HSD17B4: variants seen among roughly 807,000 people sequenced by gnomAD.
HSD17B4 encodes the protein hydroxysteroid 17-beta dehydrogenase 4.
A neutral mutation model predicts 101.0 loss-of-function variants in HSD17B4; 70 were observed. The ratio of observed to expected loss-of-function variants is 0.69; its 90% CI spans 0.57 to 0.85. The LOEUF (loss-of-function observed/expected upper bound fraction) is 0.85, where lower values mean the gene tolerates loss of function less well. HSD17B4 is among the 40% of genes least tolerant of loss of function. HSD17B4 has a pLI of 0.00. For missense variants in HSD17B4, 984 were observed against 892.4 expected, an observed-to-expected ratio of 1.10 and a Z score of -1.31; for synonymous variants, 347 against 297.1, an observed-to-expected ratio of 1.17 and a Z score of -1.73.
chr5:119,531,579 GTGTGTGTGTGTGTGTGTT>G (rs1561490985), intron 22 of HSD17B4, among the ~76,000 whole-genome samples, 175 bp downstream of exon 22: 3 of 151,456 alleles, frequency 2.0e-5, no homozygotes, highest in Non-Finnish European at 4.4e-5. Context: ...GTGTGTGTGT[GTGTGTGTGTGTGTGTGTT>G]TGTGTGTGTG....
At chr5:119,453,170 C>T (rs781225130) in intron 1 of HSD17B4, among the ~76,000 whole-genome samples, 2 of 152,182 alleles carry the variant, frequency 1.3e-5, no homozygotes, top group Admixed American at 6.5e-5. Context: ...AGAGCCCTTC[C>T]CCGTTGGAGT....
chr5:119,533,083 G>A (rs1754252374), intron 22 of HSD17B4, among the ~76,000 whole-genome samples: 1 of 152,014 alleles, frequency 6.6e-6, no homozygotes, highest in South Asian at 2.1e-4. Flanking sequence ...AAACACATCA[G>A]CCTGAAGCAG....
At chr5:119,532,999 T>G (rs556679939) in intron 22 of HSD17B4, among the ~76,000 whole-genome samples, 1 of 152,244 alleles carries the variant, frequency 6.6e-6, no homozygotes, top group South Asian at 2.1e-4. Context: ...GTTGCACCAT[T>G]GGGGGCCTTT....
At chr5:119,458,526 T>TG (rs1194701057) in intron 2 of HSD17B4, among the ~76,000 whole-genome samples, 5 of 150,982 alleles carry the variant, frequency 3.3e-5, no homozygotes, top group African/African-American at 4.9e-5. Flanking sequence ...TTTTTTTTTT[T>TG]TAAGTAAAGA....
intron 15 of HSD17B4, among the ~76,000 whole-genome samples, chr5:119,508,199 T>G (rs1187640903): frequency 2.0e-5 from 3 of 151,576 alleles, no homozygotes. Flanking sequence ...TCTCTTTTAG[T>G]CTTCTCACCA....
In HSD17B4 at chr5:119,493,862, C is replaced by G; in HGVS notation, c.784C>G (p.His262Asp). ...TLGAIVRQKN[H>D]PMTPEAVKAN... ...TGGAGCTATTGTAAGACAAAAGAAT[C>G]ACCCAATGACTCCTGAGGCAGTCAA... The change falls in exon 11 of 24, where the codon CAC becomes GAC. Residue 262 changes from histidine (H) to aspartate (D), a missense_variant. By Grantham distance (81) the His-to-Asp change is moderately conservative. Coordinates refer to ENST00000510025, the MANE Select transcript of HSD17B4 (RefSeq NM_000414.4). 1 of 1,612,948 alleles carries G rather than the reference C, an allele frequency of 6.2e-7. No homozygotes were observed.
intron 16 of HSD17B4, among the ~76,000 whole-genome samples, chr5:119,511,976 A>G (rs557543047): frequency 6.6e-6 from 1 of 152,362 alleles, no homozygotes; most frequent in East Asian, 1.9e-4. Flanking sequence ...TCAAAGAACT[A>G]AAGGAAACCA....
chr5:119,521,088 C>T (rs956212339), intron 17 of HSD17B4, among the ~76,000 whole-genome samples: 1 of 152,190 alleles, frequency 6.6e-6, no homozygotes, highest in Non-Finnish European at 1.5e-5. Context: ...TGGAAGGTTT[C>T]CCAAGAACGG....
chr5:119,492,211 C>A, intron 10 of HSD17B4, 87 bp downstream of exon 10: 2 of 956,994 alleles, frequency 2.1e-6, no homozygotes, highest in South Asian at 2.6e-5. Flanking sequence ...AGATTTTTGT[C>A]AAATGCCTAA....
intron 22 of HSD17B4, among the ~76,000 whole-genome samples, chr5:119,534,741 T>C (rs1361044139): frequency 6.6e-6 from 1 of 152,104 alleles, no homozygotes; most frequent in Admixed American, 6.6e-5. Flanking sequence ...GAATATGCTC[T>C]CCAGTTAGGA....
At chr5:119,509,052 C>G in intron 15 of HSD17B4, 89 bp from the exon 16 acceptor site, 1 of 780,792 alleles carries the variant, frequency 1.3e-6, no homozygotes, top group Non-Finnish European at 2.2e-6. Flanking sequence ...TTTTTGAAAC[C>G]TTGACAGGAA....
Position 119,478,982 on chromosome 5 carries a change from A to T in HSD17B4, c.583A>T (p.Asn195Tyr). ...SNIHCNTIAP[N>Y]AGSRMTQTVM... is the part of the protein sequence containing the mutation. ...CATTCATTGTAACACCATTGCTCCT[A>T]ATGCGGGATCACGGATGACTCAGAC... The change falls in exon 8 of 24, where the codon AAT becomes TAT. Residue 195 changes from asparagine to tyrosine, a missense_variant. Coordinates refer to ENST00000510025, the MANE Select transcript of HSD17B4 (RefSeq NM_000414.4). 1 of 1,613,698 alleles carries T rather than the reference A, an allele frequency of 6.2e-7. No homozygotes were observed. The highest frequency in any genetic ancestry group is 8.5e-7 in the Non-Finnish European group (1 of 1,179,690).
chr5:119,466,840 T>A (rs1755864038), intron 2 of HSD17B4, among the ~76,000 whole-genome samples: 2 of 152,160 alleles, frequency 1.3e-5, no homozygotes, highest in Non-Finnish European at 2.9e-5. Flanking sequence ...TGGTTCTTGC[T>A]TTTCTAGTTC....
rs201280286 is a variant in HSD17B4 at position 119,479,036 on chromosome 5, T to A, written c.622+15T>A. 243 of 1,604,208 alleles carry A rather than the reference T, an allele frequency of 1.5e-4. 2 individuals are homozygous for A. The Middle Eastern group carries it at 2.0e-3, about 13-fold the overall frequency. On this transcript the variant is annotated intron_variant, in intron 8 of 23. Transcript: ENST00000510025. ...TATGCCTGAAGGTAAGTAAGCAAGC[T>A]TATATTTTTCAGTGCTGTTACTTAC...
intron 20 of HSD17B4, among the ~76,000 whole-genome samples, chr5:119,527,917 G>C (rs557261791): frequency 6.6e-6 from 1 of 152,156 alleles, no homozygotes; most frequent in African/African-American, 2.4e-5. Flanking sequence ...CAATGCTCCA[G>C]TAAAATACTA....
intron 20 of HSD17B4, among the ~76,000 whole-genome samples, chr5:119,529,199 C>T (rs3797369): frequency 0.065 from 9,874 of 152,118 alleles, 879 homozygotes; most frequent in East Asian, 0.42. Flanking sequence ...ACTTTAGAAA[C>T]TTATCCTATA....
At chr5:119,476,200 T>G (rs1243130849) in intron 6 of HSD17B4, among the ~76,000 whole-genome samples, 1 of 152,238 alleles carries the variant, frequency 6.6e-6, no homozygotes, top group South Asian at 2.1e-4. Flanking sequence ...TTTAACGTGC[T>G]TATCCAGCTG....
intron 17 of HSD17B4, among the ~76,000 whole-genome samples, chr5:119,518,915 C>T (rs962054832): frequency 6.6e-6 from 1 of 152,000 alleles, no homozygotes; most frequent in Non-Finnish European, 1.5e-5. Flanking sequence ...AGGAGAGTCA[C>T]TTGAGCTCAG....
Position 119,507,561 on chromosome 5 carries a change from A to T in HSD17B4, c.1333+672A>T, listed in dbSNP as rs112617141. 8.5e-5 allele frequency among the ~76,000 whole-genome samples: 13 copies of T among 152,184 alleles called. 1 individual carries two copies. The highest frequency in any genetic ancestry group is 3.1e-4 in the African/African-American group (13 of 41,536). On this transcript the variant is annotated intron_variant, in intron 15 of 23. Coordinates refer to ENST00000510025, the MANE Select transcript of HSD17B4 (RefSeq NM_000414.4). Reference sequence around the variant, plus strand: ...CACTTTGGGAGGCTGAGGCGGGCGGATCATGAGGTCAGGAGATCGAGATCA... The same window carrying T: ...CACTTTGGGAGGCTGAGGCGGGCGGTTCATGAGGTCAGGAGATCGAGATCA...
Sources: gnomAD v4.1 joint callset for allele counts (sites outside exome capture counted in the v4.1 genomes callset) on GRCh38, gnomAD v4.1.1 for gene constraint, MANE v1.5 for transcripts, NCBI Gene and HGNC (gene_info 2026-07-23, HGNC 2026-07-21) for gene names.